MPZL1: variants seen among roughly 807,000 people sequenced by gnomAD.
MPZL1 encodes myelin protein zero like 1, also known as myelin protein zero-like protein 1.
In MPZL1, 16 loss-of-function variants were observed where a neutral mutation model predicts 29.3. That is an observed-to-expected ratio of 0.55 (90% CI 0.37 to 0.83). The LOEUF (loss-of-function observed/expected upper bound fraction) is 0.83, where lower values mean the gene tolerates loss of function less well. Among genes scored for constraint, MPZL1 ranks in the 40% least tolerant of loss-of-function variants. MPZL1 has a pLI of 0.00. For synonymous variants in MPZL1, 143 were observed against 132.0 expected (o/e 1.08, Z -0.57); for missense variants, 279 against 332.9 (o/e 0.84, Z 1.26).
At chr1:167,777,217 A>G (rs1661388436) in intron 5 of MPZL1, among the ~76,000 whole-genome samples, 1 of 152,260 alleles carries the variant, frequency 6.6e-6, no homozygotes, top group Non-Finnish European at 1.5e-5. Context: ...TGAAAGTTAC[A>G]TACACATAGG....
chr1:167,730,316 T>C (rs1660235180), intron 1 of MPZL1, among the ~76,000 whole-genome samples: 1 of 152,094 alleles, frequency 6.6e-6, no homozygotes, highest in Non-Finnish European at 1.5e-5. Context: ...TCTCTTGATA[T>C]GGCCCAGGCT....
intron 1 of MPZL1, among the ~76,000 whole-genome samples, chr1:167,723,043 A>G (rs1346335085): frequency 6.6e-6 from 1 of 152,228 alleles, no homozygotes; most frequent in Non-Finnish European, 1.5e-5. Context: ...CTCGGGCTCA[A>G]TTTATGGGAA....
chr1:167,737,708 G>A (rs2101753734), intron 1 of MPZL1, among the ~76,000 whole-genome samples: 1 of 152,292 alleles, frequency 6.6e-6, no homozygotes, highest in African/African-American at 2.4e-5. Flanking sequence ...ACTGACAGGT[G>A]CATTGGATTA....
chr1:167,778,933 T>C (rs535309489), intron 5 of MPZL1, among the ~76,000 whole-genome samples: 4 of 151,986 alleles, frequency 2.6e-5, no homozygotes, highest in African/African-American at 7.2e-5. Flanking sequence ...GAACAGAGCC[T>C]AACACGGTGA....
chr1:167,736,759 C>G (rs75922598), intron 1 of MPZL1, among the ~76,000 whole-genome samples: 1 of 152,114 alleles, frequency 6.6e-6, no homozygotes, highest in East Asian at 1.9e-4. Context: ...ACTCCTAGAT[C>G]GTCTCTCTAA....
At chr1:167,777,377 C>G (rs1661391787) in intron 5 of MPZL1, among the ~76,000 whole-genome samples, 1 of 152,158 alleles carries the variant, frequency 6.6e-6, no homozygotes, top group Non-Finnish European at 1.5e-5. Flanking sequence ...CTGTCATCCC[C>G]AAAAGAAAGG....
chr1:167,762,154 T>A (rs1008501659), intron 1 of MPZL1, among the ~76,000 whole-genome samples: 2 of 151,920 alleles, frequency 1.3e-5, no homozygotes, highest in African/African-American at 4.8e-5. Context: ...TCTGGAGACA[T>A]TTTTGGTTGT....
At chr1:167,751,111 C>T (rs887498840) in intron 1 of MPZL1, among the ~76,000 whole-genome samples, 1 of 152,264 alleles carries the variant, frequency 6.6e-6, no homozygotes, top group East Asian at 1.9e-4. Flanking sequence ...GTGTTGTCTG[C>T]CATGTTTCTC....
At chr1:167,736,139 C>T (rs1029564697) in intron 1 of MPZL1, among the ~76,000 whole-genome samples, 1 of 152,152 alleles carries the variant, frequency 6.6e-6, no homozygotes, top group Admixed American at 6.5e-5. Context: ...TGACATTACT[C>T]CTGGTTCTCA....
chr1:167,755,130 A>C (rs1394666927), intron 1 of MPZL1, among the ~76,000 whole-genome samples: 1 of 152,202 alleles, frequency 6.6e-6, no homozygotes, highest in African/African-American at 2.4e-5. Flanking sequence ...ATAATATCAT[A>C]TAGAGTAATT....
chr1:167,778,708 A>G (rs1302113789), intron 5 of MPZL1, among the ~76,000 whole-genome samples: 2 of 152,112 alleles, frequency 1.3e-5, no homozygotes, highest in African/African-American at 4.8e-5. Flanking sequence ...CTTATTAGTA[A>G]ACTTAAAGAT....
At chr1:167,786,769 A>T (rs963835359) in intron 5 of MPZL1, among the ~76,000 whole-genome samples, 1 of 152,210 alleles carries the variant, frequency 6.6e-6, no homozygotes, top group Non-Finnish European at 1.5e-5. Flanking sequence ...GCTTTTGGCT[A>T]TTGAGCTTAT....
intron 1 of MPZL1, among the ~76,000 whole-genome samples, chr1:167,746,608 G>T (rs946856521): frequency 6.6e-6 from 1 of 152,194 alleles, no homozygotes; most frequent in Non-Finnish European, 1.5e-5. Flanking sequence ...CTTCTGCTCT[G>T]TTGTGAATGG....
At chr1:167,755,125 A>G (rs1252742581) in intron 1 of MPZL1, among the ~76,000 whole-genome samples, 1 of 152,212 alleles carries the variant, frequency 6.6e-6, no homozygotes, top group African/African-American at 2.4e-5. Context: ...TTATTATAAT[A>G]TCATATAGAG....
chr1:167,742,043 C>A (rs1660540489), intron 1 of MPZL1, among the ~76,000 whole-genome samples: 2 of 147,046 alleles, frequency 1.4e-5, no homozygotes, highest in South Asian at 4.4e-4. Context: ...CAGAAAAAAA[C>A]CCTTGTTGGG....
chr1:167,774,693 T>C (rs1028973306), intron 4 of MPZL1: 1 of 152,270 alleles, frequency 6.6e-6, no homozygotes, highest in South Asian at 2.1e-4. Context: ...CTGTTCTTCT[T>C]ACCTTGGTTT....
chr1:167,738,697 G>T, intron 1 of MPZL1, among the ~76,000 whole-genome samples: 1 of 141,262 alleles, frequency 7.1e-6, no homozygotes, highest in East Asian at 1.9e-4. Context: ...TTGTTTAAAA[G>T]TATGTAGCAC....
chr1:167,722,303 C>G (rs1461377427), intron 1 of MPZL1, 61 bp downstream of exon 1: 2 of 1,231,580 alleles, frequency 1.6e-6, no homozygotes, highest in African/African-American at 3.1e-5. Flanking sequence ...CCGACACACG[C>G]CCATCGCGGC....
intron 5 of MPZL1, among the ~76,000 whole-genome samples, chr1:167,779,581 T>C (rs1661448416): frequency 6.7e-6 from 1 of 148,990 alleles, no homozygotes; most frequent in African/African-American, 2.5e-5. Context: ...TGAGACTCCA[T>C]CTCAAAAAAA....
Sources: allele counts gnomAD v4.1 joint callset (sites outside exome capture counted in the v4.1 genomes callset), GRCh38; gene constraint gnomAD v4.1.1; transcripts MANE v1.5; gene names NCBI Gene and HGNC (gene_info 2026-07-23, HGNC 2026-07-21).